The following DIP2C variants were observed in gnomAD, a reference collection of about 807,000 sequenced individuals.
DIP2C encodes the protein disco-interacting protein 2 homolog C.
DIP2C carries 33 observed loss-of-function variants against 192.4 expected under a neutral mutation model. The observed-to-expected ratio is 0.17, with a 90% CI of 0.13 to 0.23. DIP2C has a LOEUF of 0.23. DIP2C is among the 10% of genes least tolerant of loss of function. DIP2C has a pLI of 1.00. For synonymous variants in DIP2C, 979 were observed against 864.1 expected (o/e 1.13, Z -2.33); for missense variants, 1,537 against 2,110.1 (o/e 0.73, Z 5.32).
chr10:663,051 G>T (rs545857693), intron 1 of DIP2C: 1 of 636,944 alleles, frequency 1.6e-6, no homozygotes, highest in African/African-American at 1.8e-5. Flanking sequence ...CCCTGCTGGG[G>T]CAGATGGTGA....
At chr10:602,723 C>G (rs547442598) in intron 1 of DIP2C, among the ~76,000 whole-genome samples, 6 of 152,342 alleles carry the variant, frequency 3.9e-5, no homozygotes, top group Non-Finnish European at 7.3e-5. Flanking sequence ...GGCCAGAGGC[C>G]TCCCGTGAGC....
chr10:415,668 T>C (rs1965580651), intron 7 of DIP2C, 101 bp downstream of exon 7: 3 of 1,502,206 alleles, frequency 2.0e-6, no homozygotes, highest in Non-Finnish European at 2.7e-6. Flanking sequence ...ATGCCACGAT[T>C]ACTGCTCTTA....
At chr10:348,215 C>A (rs757214650) in intron 26 of DIP2C, among the ~76,000 whole-genome samples, 2 of 152,244 alleles carry the variant, frequency 1.3e-5, no homozygotes, top group Non-Finnish European at 2.9e-5. Context: ...TGAATCCTCT[C>A]AAACTCCTCC....
chr10:596,496 C>CCAAAAA (rs1200319492), intron 1 of DIP2C, among the ~76,000 whole-genome samples: 1 of 52,932 alleles, frequency 1.9e-5, no homozygotes, highest in East Asian at 8.2e-4. Context: ...AACTCCATCT[C>CCAAAAA]AAAAAAAAAA....
At chr10:637,934 C>G (rs935521592) in intron 1 of DIP2C, among the ~76,000 whole-genome samples, 4 of 152,206 alleles carry the variant, frequency 2.6e-5, no homozygotes, top group African/African-American at 9.6e-5. Flanking sequence ...GCAGAGCTGA[C>G]TGAGAGACAC....
At chr10:670,344 A>G (rs1452086245) in intron 1 of DIP2C, among the ~76,000 whole-genome samples, 5 of 152,116 alleles carry the variant, frequency 3.3e-5, no homozygotes, top group Admixed American at 2.0e-4. Context: ...GCACGCGTAC[A>G]TGCACATACA....
chr10:339,151 A>G (rs1387659633), intron 29 of DIP2C, among the ~76,000 whole-genome samples: 1 of 151,944 alleles, frequency 6.6e-6, no homozygotes, highest in Non-Finnish European at 1.5e-5. Flanking sequence ...CTCTTCCCAG[A>G]CCTGCTGAAC....
At chr10:485,637 A>G (rs1843961409) in intron 2 of DIP2C, among the ~76,000 whole-genome samples, 1 of 152,222 alleles carries the variant, frequency 6.6e-6, no homozygotes, top group Non-Finnish European at 1.5e-5. Flanking sequence ...CTCGGGAAGA[A>G]CAGAATCGGG....
intron 33 of DIP2C, among the ~76,000 whole-genome samples, chr10:287,728 A>T (rs1955227596): frequency 6.6e-6 from 1 of 150,694 alleles, no homozygotes; most frequent in Admixed American, 6.6e-5. Flanking sequence ...CTTGCCCTTT[A>T]GTTCTAGTAA....
rs370556653 is a variant in DIP2C at position 357,713 on chromosome 10, C to T, written c.2904+115G>A. 2.5e-4 allele frequency: 186 copies of T among 751,596 alleles called. 1 individual carries two copies. Among genetic ancestry groups the T allele is most frequent in the African/African-American group, 2.4e-3 (135 of 57,364 alleles). 46.6% of individuals were successfully genotyped at this position (751,596 alleles called of 1,614,324 possible). ...GGTTGCGGACAGTCAGACACTGTCG[C>T]GGACTGTCAGGGAAGGTAGGGGACA... is the stretch of plus-strand genomic sequence containing the variant. On this transcript the variant is annotated intron_variant, in intron 23 of 36. Coordinates refer to ENST00000280886, the MANE Select transcript of DIP2C (RefSeq NM_014974.3).
chr10:644,424 T>G (rs931887579), intron 1 of DIP2C, among the ~76,000 whole-genome samples: 8 of 152,276 alleles, frequency 5.3e-5, no homozygotes. Context: ...AGACGTATTT[T>G]AGAGAAGGAA....
At chr10:488,138 C>T (rs1165518390) in intron 1 of DIP2C, among the ~76,000 whole-genome samples, 5 of 152,156 alleles carry the variant, frequency 3.3e-5, no homozygotes, top group Non-Finnish European at 7.4e-5. Context: ...TTAATAAATC[C>T]TAGGTTACTA....
chr10:297,258 A>G (rs1319495568), intron 32 of DIP2C, among the ~76,000 whole-genome samples: 1 of 144,304 alleles, frequency 6.9e-6, no homozygotes, highest in Non-Finnish European at 1.5e-5. Flanking sequence ...ACACACACAC[A>G]CACACACACA....
intron 1 of DIP2C, among the ~76,000 whole-genome samples, chr10:579,459 G>C (rs550088067): frequency 6.6e-6 from 1 of 151,106 alleles, no homozygotes; most frequent in Non-Finnish European, 1.5e-5. Context: ...CATGCATAGA[G>C]CGTACACACA....
rs1009611594 is a variant in DIP2C, at chr10:652,216, G to A, written c.85+37278C>T. 1.2e-5 allele frequency: 2 copies of A among 172,166 alleles called. No homozygotes were observed. The highest frequency in any genetic ancestry group is 2.4e-5 in the African/African-American group (1 of 41,644). 10.7% of individuals were successfully genotyped at this position (172,166 alleles called of 1,614,324 possible). A position where few individuals can be genotyped will look rare whatever the true frequency, so the allele number is the denominator to read the frequency against. On this transcript the variant is annotated intron_variant, in intron 1 of 36. Coordinates refer to ENST00000280886, the MANE Select transcript of DIP2C (RefSeq NM_014974.3). The surrounding 1 kb of genome is among the most constrained non-coding windows in gnomAD (Gnocchi z 4.5). ...AGCAGCGTTTTTCCTGCAAGTGGGCGCACTGCGTATCCCCTGCGGGAAAGA... is the reference window on the plus strand; with the variant it reads ...AGCAGCGTTTTTCCTGCAAGTGGGCACACTGCGTATCCCCTGCGGGAAAGA...
At chr10:326,597 T>C (rs113412662) in intron 31 of DIP2C, among the ~76,000 whole-genome samples, 88 of 152,366 alleles carry the variant, frequency 5.8e-4, no homozygotes, top group African/African-American at 1.9e-3. Context: ...TAAAATGCCA[T>C]TGCAGCAGCA....
At chr10:490,526 G>C (rs2133581563) in intron 1 of DIP2C, among the ~76,000 whole-genome samples, 1 of 152,264 alleles carries the variant, frequency 6.6e-6, no homozygotes, top group South Asian at 2.1e-4. Flanking sequence ...AGGCCCTCCG[G>C]GAGGCTGGGT....
At chr10:428,499 T>C (rs929404354) in intron 4 of DIP2C, among the ~76,000 whole-genome samples, 3 of 152,230 alleles carry the variant, frequency 2.0e-5, no homozygotes, top group Non-Finnish European at 4.4e-5. Flanking sequence ...CCATTGTATC[T>C]TCACAGAAGT....
At chr10:385,886 C>G (rs886300178) in intron 14 of DIP2C, among the ~76,000 whole-genome samples, 6 of 152,170 alleles carry the variant, frequency 3.9e-5, no homozygotes, top group African/African-American at 1.4e-4. Context: ...CCTTCACTCC[C>G]CAGAGCTCTG....
Sources: gnomAD v4.1 joint callset for allele counts (sites outside exome capture counted in the v4.1 genomes callset) on GRCh38, gnomAD v4.1.1 for gene constraint, Gnocchi (gnomAD v3.1) non-coding constraint, MANE v1.5 for transcripts, NCBI Gene and HGNC (gene_info 2026-07-23, HGNC 2026-07-21) for gene names.